PTPRD: variants seen among roughly 807,000 people sequenced by gnomAD.
The protein encoded by PTPRD is protein tyrosine phosphatase receptor type D.
In PTPRD, 34 loss-of-function variants were observed where a neutral mutation model predicts 214.5. The ratio of observed to expected loss-of-function variants is 0.16; its 90% CI spans 0.12 to 0.21. The LOEUF is 0.21. Among genes scored for constraint, PTPRD ranks in the 10% least tolerant of loss-of-function variants. PTPRD has a pLI of 1.00. For missense variants in PTPRD, 2,545 were observed against 2,398.7 expected (o/e 1.06, Z -1.27); for synonymous variants, 1,128 against 845.7 (o/e 1.33, Z -5.79).
intron 11 of PTPRD, among the ~76,000 whole-genome samples, chr9:8,736,193 G>A (rs1393803775): frequency 6.6e-6 from 1 of 152,060 alleles, no homozygotes; most frequent in Non-Finnish European, 1.5e-5. Context: ...AGGAAGGGAG[G>A]CAATGACTGG....
At chr9:8,430,221 A>G (rs2132112571) in intron 35 of PTPRD, among the ~76,000 whole-genome samples, 1 of 152,098 alleles carries the variant, frequency 6.6e-6, no homozygotes, top group East Asian at 1.9e-4. Context: ...CTCTAACTTT[A>G]TAGCTTTTCT....
intron 8 of PTPRD, among the ~76,000 whole-genome samples, chr9:9,511,996 T>C (rs755439720): frequency 5.3e-5 from 8 of 151,878 alleles, no homozygotes; most frequent in Admixed American, 1.3e-4. Flanking sequence ...TAAATGCGAC[T>C]TACAGAAAAA....
rs1337586311 is a variant in PTPRD, at chr9:9,164,642, T to A, written c.-143+18662A>T. On this transcript the variant is annotated intron_variant, in intron 10 of 45. Coordinates refer to ENST00000381196, the MANE Select transcript of PTPRD (RefSeq NM_002839.4). ...TCTTTATTCTTAGTGCCTAGCACAG[T>A]GCCTTACCTCTGAGAGGTGTTCAAT... 2.0e-5 allele frequency among the ~76,000 whole-genome samples: 3 copies of A among 152,164 alleles called. No homozygotes were observed. In the South Asian group the frequency reaches 6.2e-4, roughly 31 times the overall value.
At chr9:10,062,958 AC>A (rs1170184994) in intron 3 of PTPRD, among the ~76,000 whole-genome samples, 3 of 152,056 alleles carry the variant, frequency 2.0e-5, no homozygotes, top group Non-Finnish European at 4.4e-5. Context: ...TTTTGTAGGT[AC>A]CATGAGAACA....
At chr9:8,967,534 GCT>G (rs1318930250) in intron 11 of PTPRD, among the ~76,000 whole-genome samples, 1 of 152,090 alleles carries the variant, frequency 6.6e-6, no homozygotes, top group African/African-American at 2.4e-5. Flanking sequence ...CATAGATGAA[GCT>G]GGAGGCCATT....
intron 2 of PTPRD, among the ~76,000 whole-genome samples, chr9:10,537,354 C>G (rs1250722607): frequency 2.6e-5 from 4 of 152,086 alleles, no homozygotes; most frequent in Non-Finnish European, 5.9e-5. Context: ...ACAACACATT[C>G]TGTTTTGTTT....
rs1040418414 is a variant in PTPRD at position 9,317,762 on chromosome 9, A to G, written c.-203+79687T>C. ...CTGAAGCACAAAGCCATGGATCACCACAGATATAAAATGGACCTGATCAAA... is the reference window on the plus strand; with the variant it reads ...CTGAAGCACAAAGCCATGGATCACCGCAGATATAAAATGGACCTGATCAAA... On this transcript the variant is annotated intron_variant, in intron 9 of 45. Transcript: ENST00000381196. Among the ~76,000 whole-genome samples the G allele has an allele frequency of 6.6e-5, 10 of 152,280 alleles. No individual in the cohort carries two copies. The South Asian group carries it at 2.1e-3, about 32-fold the overall frequency.
At chr9:9,655,459 C>T (rs553140380) in intron 7 of PTPRD, among the ~76,000 whole-genome samples, 3 of 151,736 alleles carry the variant, frequency 2.0e-5, no homozygotes, top group South Asian at 2.1e-4. Context: ...GTCCCAGCTA[C>T]ACAGGAGGCT....
rs2130611816 is a variant in PTPRD, at chr9:8,404,779, A to G, written c.4087-119T>C. 3 of 1,251,594 alleles carry G rather than the reference A, an allele frequency of 2.4e-6. No homozygotes were observed. The South Asian group carries it at 5.1e-5, about 21-fold the overall frequency. The allele number at this position is 1,251,594 out of a possible 1,614,324, so 77.5% of individuals were successfully genotyped here. ...GAAAATTCTGAAGCCATACTTCATCAAGATGATCCTAACTGTGAAGCTGAA... is the reference window on the plus strand; with the variant it reads ...GAAAATTCTGAAGCCATACTTCATCGAGATGATCCTAACTGTGAAGCTGAA... On this transcript the variant is annotated intron_variant, in intron 35 of 45. Coordinates refer to ENST00000381196, the MANE Select transcript of PTPRD (RefSeq NM_002839.4).
At chr9:8,742,340 C>T (rs1277877117) in intron 11 of PTPRD, among the ~76,000 whole-genome samples, 1 of 151,962 alleles carries the variant, frequency 6.6e-6, no homozygotes, top group Non-Finnish European at 1.5e-5. Context: ...TATGCATTAC[C>T]TCATATAGTT....
chr9:9,716,250 T>C lies in PTPRD; in HGVS notation c.-287+18283A>G, dbSNP rs1291243301. 1.2e-3 allele frequency among the ~76,000 whole-genome samples: 185 copies of C among 152,156 alleles called. 6 individuals carry two copies. In the East Asian group the frequency reaches 0.035, roughly 29 times the overall value. On this transcript the variant is annotated intron_variant, in intron 7 of 45. Coordinates refer to ENST00000381196, the MANE Select transcript of PTPRD (RefSeq NM_002839.4). ...TGCCACATTTTTTTAATTCAGTCTA[T>C]CATTGTTGGACATTTGGGTTGGTTT...
At chr9:9,156,879 A>C (rs2099881650) in intron 10 of PTPRD, among the ~76,000 whole-genome samples, 1 of 152,312 alleles carries the variant, frequency 6.6e-6, no homozygotes, top group Admixed American at 6.5e-5. Context: ...GTAAATAAGT[A>C]ATGAGGCCTC....
Position 9,937,789 on chromosome 9 carries a change from G to C in PTPRD, c.-368+718C>G, listed in dbSNP as rs913348917. Among the ~76,000 whole-genome samples the C allele has an allele frequency of 2.0e-5, 3 of 152,224 alleles. No homozygotes were observed. The South Asian group carries it at 6.2e-4, about 32-fold the overall frequency. On this transcript the variant is annotated intron_variant, in intron 5 of 45. Coordinates refer to ENST00000381196, the MANE Select transcript of PTPRD (RefSeq NM_002839.4). ...GTAGGCCCACCATGTAGTTCTTACA[G>C]TGTATGAAAATCATTTAAAAAAATA...
chr9:9,664,434 A>G (rs1282186179), intron 7 of PTPRD, among the ~76,000 whole-genome samples: 1 of 151,648 alleles, frequency 6.6e-6, no homozygotes, highest in Non-Finnish European at 1.5e-5. Context: ...CTAGAATTCA[A>G]TGGTCGTAAG....
At chr9:10,314,675 C>A (rs1228030069) in intron 3 of PTPRD, among the ~76,000 whole-genome samples, 1 of 151,736 alleles carries the variant, frequency 6.6e-6, no homozygotes, top group African/African-American at 2.4e-5. Flanking sequence ...ATAGATGATA[C>A]AGATAAATAA....
chr9:8,575,103 G>A (rs1193302947), intron 14 of PTPRD, among the ~76,000 whole-genome samples: 1 of 152,202 alleles, frequency 6.6e-6, no homozygotes, highest in East Asian at 1.9e-4. Context: ...AGCTGTTCAA[G>A]TAGTTCAGGC....
At chr9:8,377,539 C>A (rs1008441081) in intron 37 of PTPRD, among the ~76,000 whole-genome samples, 2 of 151,970 alleles carry the variant, frequency 1.3e-5, no homozygotes, top group Non-Finnish European at 2.9e-5. Flanking sequence ...TGAAAAGTAA[C>A]AAACACAGCA....
chr9:8,925,030 C>T (rs1299460633), intron 11 of PTPRD, among the ~76,000 whole-genome samples: 1 of 152,122 alleles, frequency 6.6e-6, no homozygotes. Flanking sequence ...GTCCTGAGAG[C>T]TCAGGCAATA....
chr9:9,453,645 T>C (rs1477165604), intron 8 of PTPRD, among the ~76,000 whole-genome samples: 1 of 151,764 alleles, frequency 6.6e-6, no homozygotes. Flanking sequence ...TATATGTTTG[T>C]TTACTGTTCT....
Sources: allele counts gnomAD v4.1 joint callset (sites outside exome capture counted in the v4.1 genomes callset), GRCh38; gene constraint gnomAD v4.1.1; transcripts MANE v1.5; gene names NCBI Gene and HGNC (gene_info 2026-07-23, HGNC 2026-07-21).